BRD1: variants seen among roughly 807,000 people sequenced by gnomAD.
The protein encoded by BRD1 is bromodomain containing 1.
In BRD1, 24 loss-of-function variants were observed where a neutral mutation model predicts 107.7. The ratio of observed to expected loss-of-function variants is 0.22; its 90% CI spans 0.16 to 0.31. BRD1 has a LOEUF of 0.31. BRD1 is among the 10% of genes least tolerant of loss of function. The probability of loss-of-function intolerance (pLI) is 1.00; values close to 1 mark genes in which losing one functional copy is unlikely to be tolerated. For synonymous variants in BRD1, 744 were observed against 686.1 expected (o/e 1.08, Z -1.32); for missense variants, 1,279 against 1,638.6 (o/e 0.78, Z 3.79).
chr22:49,788,200 AAT>A (rs1184161216), intron 7 of BRD1, among the ~76,000 whole-genome samples: 2 of 152,256 alleles, frequency 1.3e-5, no homozygotes, highest in Non-Finnish European at 2.9e-5. Context: ...TTCTGCAATG[AAT>A]AATTCACTTA....
At chr22:49,808,684 T>C (rs2059791309) in intron 2 of BRD1, among the ~76,000 whole-genome samples, 1 of 152,226 alleles carries the variant, frequency 6.6e-6, no homozygotes, top group African/African-American at 2.4e-5. Context: ...GTACATTTTA[T>C]GTTATGTGTA....
chr22:49,823,787 G>C lies in BRD1; in HGVS notation c.531C>G (p.Cys177Trp). The C allele has an allele frequency of 6.2e-7, 1 of 1,614,106 alleles. No individual in the cohort carries two copies. The highest frequency in any genetic ancestry group is 8.5e-7 in the Non-Finnish European group (1 of 1,180,048). ...EIVNEKRKGD[C>W]VPAVSQSMFE... Reference sequence around the variant, plus strand: ...ACATGCTCTGCGACACGGCGGGGACGCAGTCGCCCTTGCGCTTCTCATTGA... The same window carrying C: ...ACATGCTCTGCGACACGGCGGGGACCCAGTCGCCCTTGCGCTTCTCATTGA... The change falls in exon 2 of 13, where the codon TGC (cysteine) becomes TGG (tryptophan). Residue 177 changes from cysteine to tryptophan, a missense_variant. Physicochemically the swap from Cys to Trp is radical, Grantham distance 215. This residue lies in a region of BRD1 where 223 missense variants were observed against 263.5 expected (regional missense o/e 0.85). Coordinates refer to ENST00000404760, the MANE Select transcript of BRD1 (RefSeq NM_001304808.3).
chr22:49,817,403 G>C (rs1297116757), intron 2 of BRD1: 1 of 158,842 alleles, frequency 6.3e-6, no homozygotes, highest in Non-Finnish European at 1.4e-5. Flanking sequence ...TTAGGACATG[G>C]GCTGGACCAA....
At chr22:49,815,472 G>A (rs138869) in intron 2 of BRD1, among the ~76,000 whole-genome samples, 11,967 of 152,006 alleles carry the variant, frequency 0.079, 611 homozygotes, top group South Asian at 0.11. Context: ...GAACCCAGGG[G>A]GCAGAGGTTG....
rs550114448 is a variant in BRD1, at chr22:49,797,256, C to G, written c.2098+549G>C. ...CTGGAGTCCAGGTGGGCCGTGGACA[C>G]ACTCCCAGAGCCCTTTCTACAACAT... On this transcript the variant is annotated intron_variant, in intron 6 of 12. Transcript: ENST00000404760. Among the ~76,000 whole-genome samples, 3 of 152,342 alleles carry G rather than the reference C, an allele frequency of 2.0e-5. No homozygotes were observed. In the South Asian group the frequency reaches 6.2e-4, roughly 32 times the overall value.
Position 49,794,381 on chromosome 22 carries a change from C to G in BRD1, c.2099-87G>C, listed in dbSNP as rs112137435. ...CCGGTCCCGTCTTTCAAATCACCTT[C>G]GGCCAAGGCCCTGAGAGTGGCTGTT... On this transcript the variant is annotated intron_variant, in intron 6 of 12. Transcript: ENST00000404760. 3.3e-6 allele frequency: 5 copies of G among 1,513,880 alleles called. No homozygotes were observed. In the South Asian group the frequency reaches 3.9e-5, roughly 12 times the overall value. 93.8% of individuals were successfully genotyped at this position (1,513,880 alleles called of 1,614,324 possible).
chr22:49,799,157 G>C, intron 3 of BRD1, 38 bp from the exon 4 acceptor site: 1 of 1,588,110 alleles, frequency 6.3e-7, no homozygotes, highest in Non-Finnish European at 8.5e-7. Flanking sequence ...CAAACCCAGA[G>C]GCTCCTTCTG....
intron 2 of BRD1, among the ~76,000 whole-genome samples, chr22:49,816,859 C>G (rs987849514): frequency 6.6e-6 from 1 of 152,262 alleles, no homozygotes; most frequent in Admixed American, 6.5e-5. Flanking sequence ...CAGACACTCT[C>G]TGGACTGCGG....
intron 2 of BRD1, chr22:49,805,806 A>G (rs1240006279): frequency 6.7e-6 from 1 of 150,230 alleles, no homozygotes; most frequent in Non-Finnish European, 1.5e-5. Flanking sequence ...CAGTGACGCA[A>G]TTTCAGCTCA....
At chr22:49,820,674 T>C (rs1274886277) in intron 2 of BRD1, among the ~76,000 whole-genome samples, 1 of 152,228 alleles carries the variant, frequency 6.6e-6, no homozygotes. Flanking sequence ...AGCTGAGGCC[T>C]CCTACATGCA....
chr22:49,776,655 G>GCCTCCC (rs1221387654), intron 10 of BRD1, among the ~76,000 whole-genome samples: 1 of 152,168 alleles, frequency 6.6e-6, no homozygotes, highest in Non-Finnish European at 1.5e-5. Flanking sequence ...AAACCCTGGG[G>GCCTCCC]CCTCCCCCTC....
chr22:49,816,013 G>A (rs189346257), intron 2 of BRD1, among the ~76,000 whole-genome samples: 2 of 152,224 alleles, frequency 1.3e-5, no homozygotes, highest in Admixed American at 1.3e-4. Context: ...CCCACACAGG[G>A]CCTCCCGGTG....
chr22:49,793,132 G>A (rs2059465692), intron 7 of BRD1, among the ~76,000 whole-genome samples: 1 of 152,230 alleles, frequency 6.6e-6, no homozygotes, highest in Non-Finnish European at 1.5e-5. Context: ...TCTGCTTCGT[G>A]TAACCGGAGC....
Position 49,803,577 on chromosome 22 carries a change from T to A in BRD1, c.1524+627A>T, listed in dbSNP as rs2059681603. On this transcript the variant is annotated intron_variant, in intron 3 of 12. Coordinates refer to ENST00000404760, the MANE Select transcript of BRD1 (RefSeq NM_001304808.3). The surrounding 1 kb of genome is among the most constrained non-coding windows in gnomAD (Gnocchi z 4.4). Reference sequence around the variant, plus strand: ...ATTTTTTCAGAACTGTTTCACAGTATCAGATGAGTCTATAAACTCAAACCT... The same window carrying A: ...ATTTTTTCAGAACTGTTTCACAGTAACAGATGAGTCTATAAACTCAAACCT... 2.0e-5 allele frequency among the ~76,000 whole-genome samples: 3 copies of A among 152,188 alleles called. No individual in the cohort carries two copies. The highest frequency in any genetic ancestry group is 7.2e-5 in the African/African-American group (3 of 41,442).
At position 49,822,966 on chromosome 22, in the gene BRD1, T is replaced by C. The variant is rs761012561; in HGVS notation, c.1352A>G (p.Tyr451Cys). The C allele has an allele frequency of 5.0e-6, 8 of 1,614,048 alleles. No individual in the cohort carries two copies. Among genetic ancestry groups the C allele is most frequent in the Non-Finnish European group, 4.2e-6 (5 of 1,180,000 alleles). Residue 451 changes from tyrosine (Y) to cysteine (C), a missense_variant, in exon 2 of 13, where the codon TAT becomes TGT. Around this residue, in one of 7 missense-constraint regions of BRD1, gnomAD observed 87 missense variants for 77.1 expected, o/e 1.13. Coordinates refer to ENST00000404760, the MANE Select transcript of BRD1 (RefSeq NM_001304808.3). ...ACACGCTTACCTCTGCGGGGGAATA[T>C]AAGGAGCGCACACGGTCGGCAGGAC... ...CAVLPTVCAPYIPPQRLNRIA... is the reference protein window; with the variant it reads ...CAVLPTVCAPCIPPQRLNRIA...
At chr22:49,818,111 T>A in intron 2 of BRD1, 1 of 671,798 alleles carries the variant, frequency 1.5e-6, no homozygotes, top group Non-Finnish European at 1.9e-6. Flanking sequence ...CCTTTTAAAC[T>A]CAAAATAAAA....
chr22:49,782,996 T>C (rs2059242855), intron 8 of BRD1, among the ~76,000 whole-genome samples: 1 of 137,936 alleles, frequency 7.2e-6, no homozygotes, highest in African/African-American at 2.7e-5. Context: ...ACCTGCTCCA[T>C]GACAATGCAG....
At chr22:49,777,923 G>T in intron 8 of BRD1, 110 bp from the exon 9 acceptor site, 1 of 1,399,590 alleles carries the variant, frequency 7.1e-7, no homozygotes, top group Non-Finnish European at 9.4e-7. Flanking sequence ...TTCACAGACA[G>T]GTAAGACAGC....
At chr22:49,821,607 CTTTT>C (rs138878) in intron 2 of BRD1, among the ~76,000 whole-genome samples, 4 of 133,638 alleles carry the variant, frequency 3.0e-5, no homozygotes, top group Non-Finnish European at 3.4e-5. Context: ...CTTAAAACTT[CTTTT>C]TTTTTTTTTG....
Sources: allele counts gnomAD v4.1 joint callset (sites outside exome capture counted in the v4.1 genomes callset), GRCh38; gene constraint gnomAD v4.1.1; regional missense constraint gnomAD v4.1.1; non-coding constraint Gnocchi (gnomAD v3.1); transcripts MANE v1.5; gene names NCBI Gene and HGNC (gene_info 2026-07-23, HGNC 2026-07-21).